The following GALNT17 variants were observed in gnomAD, a reference collection of about 807,000 sequenced individuals.
GALNT17 encodes UDP-GalNAc:polypeptide N-acetylgalactosaminyltransferase-like 3.
A neutral mutation model predicts 63.7 loss-of-function variants in GALNT17; 29 were observed. The observed-to-expected ratio is 0.46, with a 90% CI of 0.34 to 0.62. GALNT17 has a LOEUF of 0.62. GALNT17 is among the 20% of genes least tolerant of loss of function. GALNT17 has a pLI of 0.01. For synonymous variants in GALNT17, 305 were observed against 318.3 expected, an observed-to-expected ratio of 0.96 and a Z score of 0.45; for missense variants, 603 against 799.6, an observed-to-expected ratio of 0.75 and a Z score of 2.97.
At chr7:71,338,810 A>G (rs557720611) in intron 2 of GALNT17, among the ~76,000 whole-genome samples, 1 of 152,328 alleles carries the variant, frequency 6.6e-6, no homozygotes, top group South Asian at 2.1e-4. Flanking sequence ...AAATCAGTTA[A>G]GTGTCTTGGT....
At chr7:71,192,577 A>G (rs1041587392) in intron 1 of GALNT17, among the ~76,000 whole-genome samples, 4 of 151,784 alleles carry the variant, frequency 2.6e-5, no homozygotes, top group Non-Finnish European at 4.4e-5. Context: ...TGTATTTTTA[A>G]TAGAGTTGGG....
chr7:71,565,194 G>A lies in GALNT17; in HGVS notation c.963-6091G>A, dbSNP rs559859147. On this transcript the variant is annotated intron_variant, in intron 5 of 10. Transcript: ENST00000333538. ...AGGCAGGAGAATCGCTTGAACCCAG[G>A]AGGCGGAGACTGCAGTGAGCTGAGA... Among the ~76,000 whole-genome samples the A allele has an allele frequency of 6.2e-4, 95 of 152,166 alleles. 2 individuals are homozygous for A. Among genetic ancestry groups the A allele is most frequent in the African/African-American group, 2.2e-3 (90 of 41,516 alleles).
chr7:71,652,408 G>A (rs951727883), intron 6 of GALNT17, among the ~76,000 whole-genome samples: 3 of 152,166 alleles, frequency 2.0e-5, no homozygotes, highest in African/African-American at 7.2e-5. Flanking sequence ...TTTAGTGAAA[G>A]AGAATGTTGA....
chr7:71,627,262 C>T (rs980144315), intron 6 of GALNT17, among the ~76,000 whole-genome samples: 4 of 152,126 alleles, frequency 2.6e-5, no homozygotes, highest in Non-Finnish European at 4.4e-5. Context: ...TTTCCCAAAC[C>T]GGTGCTTCTG....
intron 1 of GALNT17, among the ~76,000 whole-genome samples, chr7:71,191,212 G>A (rs1788946580): frequency 6.6e-6 from 1 of 152,104 alleles, no homozygotes; most frequent in Non-Finnish European, 1.5e-5. Context: ...TTCCTAGTCA[G>A]TCTTCCACAT....
At chr7:71,517,434 T>A (rs1788462946) in intron 5 of GALNT17, among the ~76,000 whole-genome samples, 1 of 152,168 alleles carries the variant, frequency 6.6e-6, no homozygotes, top group Non-Finnish European at 1.5e-5. Flanking sequence ...ACACAAACAC[T>A]CACTCCATAA....
At chr7:71,251,586 T>C (rs1562948453) in intron 1 of GALNT17, among the ~76,000 whole-genome samples, 1 of 151,896 alleles carries the variant, frequency 6.6e-6, no homozygotes, top group Non-Finnish European at 1.5e-5. Context: ...ATTTAAAAAT[T>C]TTTTTCGTAG....
intron 5 of GALNT17, among the ~76,000 whole-genome samples, chr7:71,559,771 G>A (rs1331078050): frequency 6.6e-6 from 1 of 151,966 alleles, no homozygotes; most frequent in Non-Finnish European, 1.5e-5. Flanking sequence ...TGAAGTGGGA[G>A]GATTGCTTGA....
chr7:71,135,995 G>A (rs1380938854), intron 1 of GALNT17, among the ~76,000 whole-genome samples: 3 of 152,180 alleles, frequency 2.0e-5, no homozygotes, highest in Non-Finnish European at 2.9e-5. Context: ...TTACCATCCT[G>A]ACTGCCTAGT....
chr7:71,346,236 C>T (rs964877249), intron 2 of GALNT17, among the ~76,000 whole-genome samples: 2 of 151,300 alleles, frequency 1.3e-5, no homozygotes. Flanking sequence ...ATTATACTTA[C>T]ATATTATATA....
At chr7:71,492,670 C>T (rs1480133227) in intron 5 of GALNT17, among the ~76,000 whole-genome samples, 1 of 152,222 alleles carries the variant, frequency 6.6e-6, no homozygotes, top group Admixed American at 6.5e-5. Context: ...GTGAGCACGT[C>T]ACTCCAGTTC....
At chr7:71,662,133 G>T (rs1475832353) in intron 6 of GALNT17, among the ~76,000 whole-genome samples, 1 of 152,234 alleles carries the variant, frequency 6.6e-6, no homozygotes, top group South Asian at 2.1e-4. Flanking sequence ...TGGCTTGTGG[G>T]TTCTGTTCCC....
At chr7:71,457,469 C>G (rs574076775) in intron 5 of GALNT17, among the ~76,000 whole-genome samples, 1 of 152,092 alleles carries the variant, frequency 6.6e-6, no homozygotes, top group Admixed American at 6.6e-5. Flanking sequence ...AGTGAAAGCA[C>G]GTTTATTAGG....
At chr7:71,587,163 G>C (rs1000290759) in intron 6 of GALNT17, among the ~76,000 whole-genome samples, 2 of 152,122 alleles carry the variant, frequency 1.3e-5, no homozygotes, top group African/African-American at 4.8e-5. Context: ...GAGTAGCTGA[G>C]ACTATAGGCG....
chr7:71,577,011 C>T (rs1215985409), intron 6 of GALNT17, among the ~76,000 whole-genome samples: 1 of 152,182 alleles, frequency 6.6e-6, no homozygotes. Context: ...TACGTAGACA[C>T]CACAGAATAC....
At chr7:71,512,367 G>A (rs1166740567) in intron 5 of GALNT17, among the ~76,000 whole-genome samples, 1 of 152,064 alleles carries the variant, frequency 6.6e-6, no homozygotes, top group Admixed American at 6.6e-5. Context: ...GTCGTGACAC[G>A]TGACAGTGAG....
chr7:71,299,353 T>A (rs577883860), intron 1 of GALNT17, among the ~76,000 whole-genome samples: 9 of 152,226 alleles, frequency 5.9e-5, no homozygotes, highest in Non-Finnish European at 1.2e-4. Flanking sequence ...TGAAGTCACC[T>A]GCAATGTGCC....
intron 6 of GALNT17, among the ~76,000 whole-genome samples, chr7:71,601,199 A>G (rs1347098472): frequency 2.6e-5 from 4 of 151,842 alleles, no homozygotes; most frequent in Admixed American, 2.6e-4. Context: ...TGAGCATTTG[A>G]TTGGTTCCAT....
intron 2 of GALNT17, among the ~76,000 whole-genome samples, chr7:71,384,268 T>C (rs1792898987): frequency 6.6e-6 from 1 of 152,204 alleles, no homozygotes. Context: ...CTGGCTCACA[T>C]GGTTGTGGTA....
Sources: gnomAD v4.1 joint callset for allele counts (sites outside exome capture counted in the v4.1 genomes callset) on GRCh38, gnomAD v4.1.1 for gene constraint, MANE v1.5 for transcripts, NCBI Gene and HGNC (gene_info 2026-07-23, HGNC 2026-07-21) for gene names.